ANKRD27: variants seen among roughly 807,000 people sequenced by gnomAD.
ANKRD27 encodes ankyrin repeat domain 27.
Under a neutral mutation model 129.7 loss-of-function variants are expected in ANKRD27, and 112 were observed. The observed-to-expected ratio is 0.86, with a 90% CI of 0.74 to 1.01. ANKRD27 has a LOEUF of 1.01. Ranked by LOEUF, ANKRD27 falls within the 50% of genes least tolerant of loss-of-function variation. The pLI is 0.00. For synonymous variants in ANKRD27, 516 were observed against 511.2 expected (o/e 1.01, Z -0.13); for missense variants, 1,258 against 1,300.5 (o/e 0.97, Z 0.50).
chr19:32,641,915 G>A (rs1430029452), intron 10 of ANKRD27, 109 bp downstream of exon 10: 4 of 1,333,018 alleles, frequency 3.0e-6, no homozygotes, highest in African/African-American at 1.5e-5. Context: ...TTACAGAGGT[G>A]AGCCACTGCA....
intron 3 of ANKRD27, among the ~76,000 whole-genome samples, 154 bp from the exon 4 acceptor site, chr19:32,646,769 G>T (rs1210700464): frequency 6.6e-6 from 1 of 152,168 alleles, no homozygotes; most frequent in East Asian, 1.9e-4. Context: ...TGCTCATTTT[G>T]ATACTAAAAT....
chr19:32,602,266 C>T (rs1971664976), intron 25 of ANKRD27, 140 bp from the exon 26 acceptor site: 1 of 604,132 alleles, frequency 1.7e-6, no homozygotes, highest in Non-Finnish European at 2.9e-6. Context: ...GCTTGGAGGC[C>T]ATAAAGCCCA....
At chr19:32,617,751 TA>T in intron 20 of ANKRD27, 118 bp from the exon 21 acceptor site, 1 of 487,630 alleles carries the variant, frequency 2.1e-6, no homozygotes, top group Middle Eastern at 5.8e-4. Flanking sequence ...ACGTCTGATT[TA>T]GTTTTTTTTT....
At chr19:32,638,995 G>A (rs935908792) in intron 12 of ANKRD27, 1 of 373,560 alleles carries the variant, frequency 2.7e-6, no homozygotes, top group Admixed American at 4.5e-5. Context: ...GAGGTTTCCG[G>A]CTGGAAAAGC....
intron 12 of ANKRD27, among the ~76,000 whole-genome samples, chr19:32,632,068 C>T (rs1320086637): frequency 1.3e-5 from 2 of 152,166 alleles, no homozygotes; most frequent in Non-Finnish European, 2.9e-5. Flanking sequence ...GTGAACGGAT[C>T]ACCTGAGGTC....
At chr19:32,666,639 CTATTTTTT>C (rs1265270791) in intron 1 of ANKRD27, among the ~76,000 whole-genome samples, 3 of 112,018 alleles carry the variant, frequency 2.7e-5, no homozygotes, top group African/African-American at 1.0e-4. Context: ...AATCAGATTT[CTATTTTTT>C]TTTTTTTTTT....
intron 2 of ANKRD27, among the ~76,000 whole-genome samples, chr19:32,650,911 G>C (rs1357935550): frequency 3.5e-5 from 3 of 85,220 alleles, no homozygotes; most frequent in East Asian, 6.9e-4. Context: ...ACCATGACCA[G>C]CATTTTTTTT....
At chr19:32,634,234 C>T (rs779557341) in intron 12 of ANKRD27, among the ~76,000 whole-genome samples, 12 of 152,196 alleles carry the variant, frequency 7.9e-5, no homozygotes, top group Non-Finnish European at 1.5e-4. Flanking sequence ...AGCAATGACT[C>T]TCTACATTCC....
At position 32,649,434 on chromosome 19, in the gene ANKRD27, C is replaced by T. The variant is rs80307899; in HGVS notation, c.213+248G>A. On this transcript the variant is annotated intron_variant, in intron 3 of 28. Coordinates refer to ENST00000306065, the MANE Select transcript of ANKRD27 (RefSeq NM_032139.3). The stretch of plus-strand genomic sequence containing the variant: ...GCGACACACGGCAGAAACCCCATCA[C>T]GGGATCAGAGAGAGATGCTTGGCAC... 7.7e-3 allele frequency among the ~76,000 whole-genome samples: 1,173 copies of T among 152,220 alleles called. 17 individuals are homozygous for T. Among genetic ancestry groups the T allele is most frequent in the Non-Finnish European group, 7.4e-3 (505 of 68,020 alleles).
chr19:32,661,423 T>C (rs1467422799), intron 1 of ANKRD27, among the ~76,000 whole-genome samples: 1 of 152,130 alleles, frequency 6.6e-6, no homozygotes, highest in African/African-American at 2.4e-5. Flanking sequence ...CTTGAACTCC[T>C]GGGCTCAAGT....
At chr19:32,626,867 C>A in intron 15 of ANKRD27, 40 bp from the exon 16 acceptor site, 1 of 1,422,582 alleles carries the variant, frequency 7.0e-7, no homozygotes, top group Admixed American at 1.9e-5. Flanking sequence ...AAGGAAGGCG[C>A]AGAGGCCTTC....
intron 1 of ANKRD27, among the ~76,000 whole-genome samples, chr19:32,674,543 A>G (rs528866221): frequency 6.8e-6 from 1 of 146,332 alleles, no homozygotes; most frequent in African/African-American, 2.5e-5. Flanking sequence ...GTTTTCCTTT[A>G]ACAATCTTTA....
intron 1 of ANKRD27, among the ~76,000 whole-genome samples, chr19:32,663,063 G>C (rs907641661): frequency 2.6e-5 from 4 of 152,052 alleles, no homozygotes; most frequent in African/African-American, 9.7e-5. Context: ...AAAACAAAAA[G>C]TCTTAGTACA....
At chr19:32,658,551 T>G (rs1050636802) in intron 2 of ANKRD27, among the ~76,000 whole-genome samples, 3 of 152,164 alleles carry the variant, frequency 2.0e-5, no homozygotes, top group African/African-American at 7.2e-5. Flanking sequence ...AGACCAGGAC[T>G]CGTAAGGCCC....
chr19:32,598,185 G>C lies in ANKRD27; in HGVS notation c.3113C>G (p.Pro1038Arg). Residue 1038 changes from proline to arginine, a missense_variant, in exon 29 of 29, where the codon CCC becomes CGC. Physicochemically the swap from Pro to Arg is moderately radical, Grantham distance 103. Coordinates refer to ENST00000306065, the MANE Select transcript of ANKRD27 (RefSeq NM_032139.3). ...ACTAACCTCTTGGGGAGTGGAGAGG[G>C]GGCCAGCAGCCTCCGGGCCCTGGGA... Reference protein sequence around the residue: ...VVSQGPEAAGPLSTPQEVSAS... With the variant: ...VVSQGPEAAGRLSTPQEVSAS... The C allele has an allele frequency of 6.2e-7, 1 of 1,614,054 alleles. No individual in the cohort carries two copies.
At chr19:32,641,028 A>G (rs1186355472) in intron 10 of ANKRD27, among the ~76,000 whole-genome samples, 1 of 152,018 alleles carries the variant, frequency 6.6e-6, no homozygotes, top group African/African-American at 2.4e-5. Flanking sequence ...CCTCCTGAGC[A>G]GCTGGGACTA....
At chr19:32,601,416 G>GA (rs1382948663) in intron 26 of ANKRD27, among the ~76,000 whole-genome samples, 1 of 151,998 alleles carries the variant, frequency 6.6e-6, no homozygotes, top group African/African-American at 2.4e-5. Flanking sequence ...CTAACACGGT[G>GA]AAGCCCCTCT....
At chr19:32,633,866 T>G (rs925759225) in intron 12 of ANKRD27, among the ~76,000 whole-genome samples, 11 of 151,112 alleles carry the variant, frequency 7.3e-5, no homozygotes, top group Admixed American at 3.3e-4. Context: ...TACAAAAAAT[T>G]TAAGAATTAA....
intron 22 of ANKRD27, 112 bp from the exon 23 acceptor site, chr19:32,607,944 G>C (rs1971773012): frequency 2.7e-6 from 3 of 1,092,688 alleles, no homozygotes; most frequent in Non-Finnish European, 4.0e-6. Context: ...CGGGATCATG[G>C]CGGGATCCAG....
Sources: allele counts gnomAD v4.1 joint callset (sites outside exome capture counted in the v4.1 genomes callset), GRCh38; gene constraint gnomAD v4.1.1; transcripts MANE v1.5; gene names NCBI Gene and HGNC (gene_info 2026-07-23, HGNC 2026-07-21).